TMC6: variants seen among roughly 807,000 people sequenced by gnomAD.
TMC6 encodes the protein transmembrane channel like 6, also known as transmembrane channel-like protein 6.
A neutral mutation model predicts 95.4 loss-of-function variants in TMC6; 71 were observed. The observed-to-expected ratio is 0.74, with a 90% confidence interval of 0.61 to 0.91. The LOEUF (loss-of-function observed/expected upper bound fraction) is 0.91. Among genes scored for constraint, TMC6 ranks in the 40% least tolerant of loss-of-function variants. The pLI is 0.00. For synonymous variants in TMC6, 514 were observed against 483.1 expected (o/e 1.06, Z -0.84); for missense variants, 1,074 against 1,079.1 (o/e 1.00, Z 0.07).
At chr17:78,114,823 G>T (rs2073974869) in intron 18 of TMC6, among the ~76,000 whole-genome samples, 1 of 152,168 alleles carries the variant, frequency 6.6e-6, no homozygotes, top group Non-Finnish European at 1.5e-5. Context: ...AACTCAGACC[G>T]ACAGCCCCAA....
rs938010192 is a variant in TMC6, at chr17:78,128,740, G to C, written c.-203C>G. Reference sequence around the variant, plus strand: ...TGGCAAAGGGCCCCAGGGGCGACTGGGCCAGTCGCAGGTCTGCCGGGGCCG... The same window carrying C: ...TGGCAAAGGGCCCCAGGGGCGACTGCGCCAGTCGCAGGTCTGCCGGGGCCG... On this transcript the variant is annotated 5_prime_UTR_variant, in exon 1 of 20. Coordinates refer to ENST00000590602, the MANE Select transcript of TMC6 (RefSeq NM_001127198.5). This position sits in a 1 kb window ranked among gnomAD's most constrained non-coding sequence, Gnocchi z 4.0. 1 of 149,394 alleles carries C rather than the reference G, an allele frequency of 6.7e-6. No individual in the cohort carries two copies. The allele number at this position is 149,394 out of a possible 1,614,324, so 9.3% of individuals were successfully genotyped here.
intron 6 of TMC6, 31 bp downstream of exon 6, chr17:78,125,127 C>T (rs375993648): frequency 1.1e-5 from 17 of 1,551,368 alleles, no homozygotes; most frequent in East Asian, 4.8e-5. Flanking sequence ...GGCGCAGCAG[C>T]GGCGGCATGG....
intron 13 of TMC6, chr17:78,120,152 CTT>C (rs35789255): frequency 0.026 from 3,898 of 149,852 alleles, 3 homozygotes; most frequent in South Asian, 0.048. Flanking sequence ...ATACACGTTA[CTT>C]TTTTTTTTTT....
In TMC6 at chr17:78,109,057, G is replaced by T; in HGVS notation, c.*4091C>A. On this transcript the variant is annotated 3_prime_UTR_variant, in exon 20 of 20. Transcript: ENST00000590602. ...TGTAGAGATAGGGTCTCACCATGTT[G>T]CCCAGGCTGATCTCGAACTGCTGGG... 1 of 210,530 alleles carries T rather than the reference G, an allele frequency of 4.7e-6. No homozygotes were observed. The highest frequency in any genetic ancestry group is 7.1e-5 in the South Asian group (1 of 14,112). The allele number at this position is 210,530 out of a possible 1,614,324, so 13.0% of individuals were successfully genotyped here. A position where few individuals can be genotyped will look rare whatever the true frequency, so the allele number is the denominator to read the frequency against.
intron 15 of TMC6, 149 bp from the exon 16 acceptor site, chr17:78,118,084 G>A (rs2074224002): frequency 8.0e-6 from 11 of 1,375,530 alleles, no homozygotes; most frequent in Admixed American, 7.6e-5. Flanking sequence ...ATTTACAGAG[G>A]AAGACAGAAG....
chr17:78,126,863 C>T lies in TMC6; in HGVS notation c.-31G>A. 1.2e-6 allele frequency: 2 copies of T among 1,609,364 alleles called. 1 individual carries two copies. Among genetic ancestry groups the T allele is most frequent in the East Asian group, 4.5e-5 (2 of 44,714 alleles). ...TGGCCAATGCCCGCTAGTCTGCAGA[C>T]CTAGGGTAGCTCAGAGCCTGGGCGC... On this transcript the variant is annotated 5_prime_UTR_variant, in exon 2 of 20. Coordinates refer to ENST00000590602, the MANE Select transcript of TMC6 (RefSeq NM_001127198.5).
chr17:78,131,451 G>T (rs1175645208), upstream of TMC6: 3 of 1,269,080 alleles, frequency 2.4e-6, no homozygotes, highest in South Asian at 1.3e-5. Flanking sequence ...CGACGCCGGC[G>T]CAGAGGGGAC....
intron 5 of TMC6, 25 bp downstream of exon 5, chr17:78,125,700 TG>T: frequency 6.4e-7 from 1 of 1,556,162 alleles, no homozygotes; most frequent in Admixed American, 1.9e-5. Context: ...TGTCCGCCAC[TG>T]GGGCTCCAGT....
rs1450328515 is a variant in TMC6 at position 78,112,056 on chromosome 17, TC to T, written c.*1091del. 1 of 216,932 alleles carries T rather than the reference TC, an allele frequency of 4.6e-6. No homozygotes were observed. Among genetic ancestry groups the T allele is most frequent in the Non-Finnish European group, 9.2e-6 (1 of 108,238 alleles). The allele number at this position is 216,932 out of a possible 1,614,324, so 13.4% of individuals were successfully genotyped here. A position where few individuals can be genotyped will look rare whatever the true frequency, so the allele number is the denominator to read the frequency against. Reference sequence around the variant, plus strand: ...GAGCACTGGGGTCATGACGGGCTGGTCCCCGCAGGCCTGGAGCACAGGCTGA... The same window carrying T: ...GAGCACTGGGGTCATGACGGGCTGGTCCCGCAGGCCTGGAGCACAGGCTGA... On this transcript the variant is annotated 3_prime_UTR_variant, in exon 20 of 20. Transcript: ENST00000590602.
intron 18 of TMC6, among the ~76,000 whole-genome samples, chr17:78,115,669 A>T (rs2074053400): frequency 1.6e-5 from 2 of 126,108 alleles, no homozygotes; most frequent in Non-Finnish European, 3.3e-5. Context: ...GGGCGAAGGG[A>T]GTGGGCACAG....
intron 13 of TMC6, chr17:78,119,932 G>A (rs1319321628): frequency 5.9e-6 from 2 of 339,192 alleles, no homozygotes; most frequent in Non-Finnish European, 1.1e-5. Context: ...ACAGGCGTGA[G>A]CCACCACACC....
rs753031612 is a variant in TMC6 at position 78,117,505 on chromosome 17, T to C, written c.2161A>G (p.Asn721Asp). Residue 721 changes from asparagine to aspartate, a missense_variant, in exon 17 of 20, where the codon AAC (asparagine) becomes GAC (aspartate). Asn to Asp is a conservative substitution (Grantham distance 23, BLOSUM62 1). Transcript: ENST00000590602. ...GACACCAGGAAGACAAAGAAGGTGT[T>C]TTCCATCAGGTACCGGTGCACCCAG... ...LPWVHRYLME[N>D]TFFVFLVSAL... 6.2e-7 allele frequency: 1 copy of C among 1,608,346 alleles called. No individual in the cohort carries two copies. Among genetic ancestry groups the C allele is most frequent in the South Asian group, 1.1e-5 (1 of 90,570 alleles).
rs1436557187 is a variant in TMC6 at position 78,120,723 on chromosome 17, G to A, written c.1645C>T (p.Leu549=). 2 of 1,613,982 alleles carry A rather than the reference G, an allele frequency of 1.2e-6. No individual in the cohort carries two copies. The highest frequency in any genetic ancestry group is 2.2e-5 in the South Asian group (2 of 91,090). Residue 549 remains leucine, a synonymous_variant, in exon 13 of 20, where the codon CTG becomes TTG. Coordinates refer to ENST00000590602, the MANE Select transcript of TMC6 (RefSeq NM_001127198.5). ...AAGTCCATCACCAGGAACCGGTACAGCTCCTGGCCCACAAAATCCTCCCAG... is the reference window on the plus strand; with the variant it reads ...AAGTCCATCACCAGGAACCGGTACAACTCCTGGCCCACAAAATCCTCCCAG... ...QCWEDFVGQE[L]YRFLVMDFVL...
chr17:78,110,635 T>G lies in TMC6; in HGVS notation c.*2513A>C, dbSNP rs1312183341. On this transcript the variant is annotated 3_prime_UTR_variant, in exon 20 of 20. Coordinates refer to ENST00000590602, the MANE Select transcript of TMC6 (RefSeq NM_001127198.5). ...CCAGGCCGAGAAGCATCGCGGAGTC[T>G]TGTCATTCAGCCTGAAAATAGCATC... The G allele has an allele frequency of 6.6e-6, 1 of 150,622 alleles. No homozygotes were observed. The highest frequency in any genetic ancestry group is 2.5e-5 in the African/African-American group (1 of 40,662). 9.3% of individuals were successfully genotyped at this position (150,622 alleles called of 1,614,324 possible).
At position 78,128,184 on chromosome 17, in the gene TMC6, A is replaced by G. The variant is rs1000351055; in HGVS notation, c.-75+428T>C. Reference sequence around the variant, plus strand: ...GTGGCGCCCGTTTCCAGGAACCCCCACCCCAGCCGGCAGCGAGCTTCCCGG... The same window carrying G: ...GTGGCGCCCGTTTCCAGGAACCCCCGCCCCAGCCGGCAGCGAGCTTCCCGG... On this transcript the variant is annotated intron_variant, in intron 1 of 19. Coordinates refer to ENST00000590602, the MANE Select transcript of TMC6 (RefSeq NM_001127198.5). This position sits in a 1 kb window ranked among gnomAD's most constrained non-coding sequence, Gnocchi z 4.0. Among the ~76,000 whole-genome samples the G allele has an allele frequency of 6.6e-6, 1 of 151,110 alleles. No individual in the cohort carries two copies. The highest frequency in any genetic ancestry group is 2.0e-4 in the East Asian group (1 of 5,106).
chr17:78,123,286 A>G (rs926656860), intron 9 of TMC6, among the ~76,000 whole-genome samples: 2 of 152,302 alleles, frequency 1.3e-5, no homozygotes, highest in South Asian at 2.1e-4. Flanking sequence ...GACATTTACC[A>G]TCCTGCCCTG....
At position 78,112,334 on chromosome 17, in the gene TMC6, C is replaced by T. The variant is rs919311475; in HGVS notation, c.*814G>A. ...GGCTGGTCCCTGCAGACCTGGAGCA[C>T]GGGGTCATGACGGGCTGGTCCCCGA... On this transcript the variant is annotated 3_prime_UTR_variant, in exon 20 of 20. Transcript: ENST00000590602. 6 of 188,794 alleles carry T rather than the reference C, an allele frequency of 3.2e-5. No individual in the cohort carries two copies. Among genetic ancestry groups the T allele is most frequent in the African/African-American group, 5.0e-5 (2 of 40,256 alleles). 11.7% of individuals were successfully genotyped at this position (188,794 alleles called of 1,614,324 possible). A position where few individuals can be genotyped will look rare whatever the true frequency, so the allele number is the denominator to read the frequency against.
chr17:78,132,224 A>T, upstream of TMC6: 1 of 1,383,612 alleles, frequency 7.2e-7, no homozygotes, highest in East Asian at 2.5e-5. Flanking sequence ...GGTGACTGTC[A>T]GCGGTACCTC....
At chr17:78,117,766 G>A in intron 16 of TMC6, 36 bp downstream of exon 16, 1 of 1,595,090 alleles carries the variant, frequency 6.3e-7, no homozygotes, top group Non-Finnish European at 8.5e-7. Context: ...ACCCCCAGAT[G>A]ACACAGAAGG....
Sources: allele counts gnomAD v4.1 joint callset (sites outside exome capture counted in the v4.1 genomes callset), GRCh38; gene constraint gnomAD v4.1.1; non-coding constraint Gnocchi (gnomAD v3.1); transcripts MANE v1.5; gene names NCBI Gene and HGNC (gene_info 2026-07-23, HGNC 2026-07-21).